MUC13: variants seen among roughly 807,000 people sequenced by gnomAD.
MUC13 encodes the protein mucin-13.
In MUC13, 32 loss-of-function variants were observed where a neutral mutation model predicts 48.3. That is an observed-to-expected ratio of 0.66 (90% CI 0.50 to 0.89). The LOEUF (loss-of-function observed/expected upper bound fraction) is 0.89, where lower values mean the gene tolerates loss of function less well. Among genes scored for constraint, MUC13 ranks in the 40% least tolerant of loss-of-function variants. The pLI, the probability that MUC13 is intolerant of heterozygous loss-of-function variation, is 0.00. For missense variants in MUC13, 571 were observed against 622.8 expected, an observed-to-expected ratio of 0.92 and a Z score of 0.88; for synonymous variants, 199 against 224.9, an observed-to-expected ratio of 0.88 and a Z score of 1.03.
At chr3:124,932,579 A>C (rs564326460) in intron 1 of MUC13, among the ~76,000 whole-genome samples, 1 of 152,094 alleles carries the variant, frequency 6.6e-6, no homozygotes, top group African/African-American at 2.4e-5. Context: ...AAAAAAAAAA[A>C]GAAAGAAAGA....
chr3:124,917,745 G>T (rs1250762828), intron 5 of MUC13, among the ~76,000 whole-genome samples: 1 of 92,636 alleles, frequency 1.1e-5, no homozygotes, highest in African/African-American at 3.5e-5. Flanking sequence ...GGATTTGGTG[G>T]GGCGGGGGCG....
intron 5 of MUC13, among the ~76,000 whole-genome samples, chr3:124,917,495 CG>C (rs200502835): frequency 0.013 from 2,038 of 152,008 alleles, 19 homozygotes; most frequent in Non-Finnish European, 0.021. Context: ...CACAGGCACG[CG>C]CCACCGTGCC....
chr3:124,908,183 A>G lies in MUC13; in HGVS notation c.1503T>C (p.Tyr501=). The change falls in exon 11 of 12, where the codon TAT becomes TAC. Residue 501 remains tyrosine, a synonymous_variant. Coordinates refer to ENST00000616727, the MANE Select transcript of MUC13 (RefSeq NM_033049.4). ...ASRDSQMQNP[Y]SRHSSMPRPD... ...GGCGGGGCATGCTGCTGTGTCTTGA[A>G]TAGGGATTTTGCATCTGGCTGTCTC... 1 of 1,614,154 alleles carries G rather than the reference A, an allele frequency of 6.2e-7. No individual in the cohort carries two copies. The highest frequency in any genetic ancestry group is 8.5e-7 in the Non-Finnish European group (1 of 1,180,028).
At chr3:124,921,727 A>T (rs985437694) in intron 4 of MUC13, among the ~76,000 whole-genome samples, 1 of 152,240 alleles carries the variant, frequency 6.6e-6, no homozygotes, top group South Asian at 2.1e-4. Flanking sequence ...ACATTTTTTT[A>T]AAAGCCAGAC....
At chr3:124,923,505 T>C (rs746588455) in intron 3 of MUC13, 22 bp downstream of exon 3, 26 of 1,609,654 alleles carry the variant, frequency 1.6e-5, no homozygotes, top group Non-Finnish European at 2.0e-5. Flanking sequence ...AGCTCAGCCA[T>C]GGCTCATCCC....
intron 3 of MUC13, among the ~76,000 whole-genome samples, chr3:124,922,522 A>G (rs901407088): frequency 8.6e-5 from 13 of 151,240 alleles, no homozygotes; most frequent in African/African-American, 3.2e-4. Context: ...CATTGTTGTA[A>G]TTCCAAGTTT....
At chr3:124,924,480 C>T (rs1020742376) in intron 2 of MUC13, among the ~76,000 whole-genome samples, 1 of 152,176 alleles carries the variant, frequency 6.6e-6, no homozygotes, top group African/African-American at 2.4e-5. Flanking sequence ...TGTTTGATAA[C>T]CTTCAGAGCT....
intron 1 of MUC13, among the ~76,000 whole-genome samples, chr3:124,932,730 C>T (rs1935819018): frequency 6.6e-6 from 1 of 152,088 alleles, no homozygotes; most frequent in South Asian, 2.1e-4. Flanking sequence ...GGGATTTCCC[C>T]TCTATTGCTA....
intron 5 of MUC13, among the ~76,000 whole-genome samples, chr3:124,919,381 A>T (rs1935556550): frequency 6.9e-6 from 1 of 145,420 alleles, no homozygotes; most frequent in Non-Finnish European, 1.5e-5. Context: ...GTAGAGATGT[A>T]ATGTCACTAT....
At chr3:124,926,031 C>G (rs570681956) in intron 2 of MUC13, among the ~76,000 whole-genome samples, 1 of 152,290 alleles carries the variant, frequency 6.6e-6, no homozygotes, top group African/African-American at 2.4e-5. Flanking sequence ...ATGAACCAGT[C>G]TTCTAAATAA....
rs1303177816 is a variant in MUC13 at position 124,916,478 on chromosome 3, G to A, written c.803C>T (p.Thr268Ile). 6.2e-7 allele frequency: 1 copy of A among 1,609,084 alleles called. No individual in the cohort carries two copies. The highest frequency in any genetic ancestry group is 8.5e-7 in the Non-Finnish European group (1 of 1,177,318). ...CATTTCAGATCTTGGTGACAGAGAT[G>A]TGCTAAAAATGAGATGAATCTGTCA... The part of the protein sequence containing the change: ...YGQTVILTVS[T>I]SLSPRSEMRA... Residue 268 changes from threonine (T) to isoleucine (I), a missense_variant and splice_region_variant, in exon 6 of 12, where the codon ACA becomes ATA. Physicochemically the swap from Thr to Ile is moderately conservative, Grantham distance 89. Transcript: ENST00000616727.
intron 1 of MUC13, among the ~76,000 whole-genome samples, chr3:124,933,668 T>C (rs1040097244): frequency 4.6e-5 from 7 of 152,346 alleles, no homozygotes; most frequent in South Asian, 4.1e-4. Context: ...AAGCCCCCTT[T>C]CTTTCTGTAA....
At chr3:124,921,169 A>G (rs548941220) in intron 4 of MUC13, among the ~76,000 whole-genome samples, 1 of 149,970 alleles carries the variant, frequency 6.7e-6, no homozygotes, top group African/African-American at 2.5e-5. Context: ...TTTTTTCTCC[A>G]GGCAGAGTCT....
At chr3:124,916,790 G>C (rs1349833979) in intron 5 of MUC13, among the ~76,000 whole-genome samples, 1 of 152,166 alleles carries the variant, frequency 6.6e-6, no homozygotes, top group Non-Finnish European at 1.5e-5. Flanking sequence ...TAGGAGCCTA[G>C]AGCTAACCAG....
intron 11 of MUC13, 67 bp from the exon 12 acceptor site, chr3:124,906,809 G>T (rs974401983): frequency 6.6e-6 from 1 of 152,098 alleles, no homozygotes; most frequent in South Asian, 2.1e-4. Context: ...ATATGAGATC[G>T]TTTAGATCTG....
In MUC13 at chr3:124,909,708, C is replaced by A. The variant is rs1579361168; in HGVS notation, c.1337+707G>T. 4.6e-5 allele frequency among the ~76,000 whole-genome samples: 7 copies of A among 152,168 alleles called. 2 individuals are homozygous for A. On this transcript the variant is annotated intron_variant, in intron 10 of 11. Coordinates refer to ENST00000616727, the MANE Select transcript of MUC13 (RefSeq NM_033049.4). ...CTTAAAAAAAGTTAAAAAAAAACAACAACCCAGGGGGTTCAGTTGAGGTTG... is the reference window on the plus strand; with the variant it reads ...CTTAAAAAAAGTTAAAAAAAAACAAAAACCCAGGGGGTTCAGTTGAGGTTG...
At chr3:124,933,946 C>T (rs1297612422) in intron 1 of MUC13, among the ~76,000 whole-genome samples, 5 of 152,174 alleles carry the variant, frequency 3.3e-5, no homozygotes, top group Non-Finnish European at 5.9e-5. Context: ...GTCTAATCAA[C>T]GTGACAATTA....
intron 6 of MUC13, among the ~76,000 whole-genome samples, chr3:124,915,701 G>A (rs1935501128): frequency 6.6e-6 from 1 of 152,112 alleles, no homozygotes. Flanking sequence ...AAATAGTACG[G>A]GTAATGCTTG....
rs546195595 is a variant in MUC13 at position 124,913,826 on chromosome 3, C to T, written c.965-145G>A. ...GTGCAGTGGCTCACAACTGTAATCC[C>T]AGCACTTTAGAAGGCCAAGGCAGGA... On this transcript the variant is annotated intron_variant, in intron 6 of 11. Transcript: ENST00000616727. 1.1e-4 allele frequency: 93 copies of T among 823,534 alleles called. No individual in the cohort carries two copies. In the South Asian group the frequency reaches 1.5e-3, roughly 14 times the overall value. 51.0% of individuals were successfully genotyped at this position (823,534 alleles called of 1,614,324 possible).
Sources: allele counts gnomAD v4.1 joint callset (sites outside exome capture counted in the v4.1 genomes callset), GRCh38; gene constraint gnomAD v4.1.1; transcripts MANE v1.5; gene names NCBI Gene and HGNC (gene_info 2026-07-23, HGNC 2026-07-21).